The following CENPF variants were observed in gnomAD, a reference collection of about 807,000 sequenced individuals.
The protein encoded by CENPF is centromere protein F.
Under a neutral mutation model 307.3 loss-of-function variants are expected in CENPF, and 214 were observed. The observed-to-expected ratio is 0.70, with a 90% CI of 0.62 to 0.78. CENPF has a LOEUF of 0.78. CENPF is among the 30% of genes least tolerant of loss of function. CENPF has a pLI of 0.00. For missense variants in CENPF, 3,401 were observed against 3,483.9 expected (o/e 0.98, Z 0.60); for synonymous variants, 1,259 against 1,270.6 (o/e 0.99, Z 0.19).
intron 19 of CENPF, among the ~76,000 whole-genome samples, chr1:214,660,222 T>C (rs1658755131): frequency 6.6e-6 from 1 of 152,208 alleles, no homozygotes; most frequent in Admixed American, 6.5e-5. Flanking sequence ...GTTCATCATA[T>C]ACATTATATT....
chr1:214,651,361 G>A (rs1285225028), intron 14 of CENPF, among the ~76,000 whole-genome samples: 1 of 152,202 alleles, frequency 6.6e-6, no homozygotes, highest in East Asian at 1.9e-4. Flanking sequence ...TAGTGGTTCT[G>A]TTGATGAGGT....
At chr1:214,637,753 T>A (rs1420727534) in intron 10 of CENPF, 113 bp from the exon 11 acceptor site, 10 of 1,018,938 alleles carry the variant, frequency 9.8e-6, no homozygotes, top group African/African-American at 3.3e-5. Context: ...AAATTGTGAT[T>A]CTTTCCCTAG....
At position 214,642,702 on chromosome 1, in the gene CENPF, A is replaced by G. The variant is rs376658652; in HGVS notation, c.4364A>G (p.Asn1455Ser). The part of the protein sequence containing the change: ...ENLVLSTNLR[N>S]FQGDLVKEMQ... ...TTGGTCTTGTCAACGAATCTGAGAA[A>G]CTTTCAAGGTGACTTGGTGAAGGAG... The change falls in exon 12 of 20, where the codon AAC becomes AGC. Residue 1455 changes from asparagine (N) to serine (S), a missense_variant. Asn to Ser is a conservative substitution (Grantham distance 46). Transcript: ENST00000366955. 71 of 1,614,136 alleles carry G rather than the reference A, an allele frequency of 4.4e-5. No individual in the cohort carries two copies. In the South Asian group the frequency reaches 7.4e-4, roughly 17 times the overall value.
chr1:214,632,659 A>G (rs1657841491), intron 10 of CENPF, 57 bp downstream of exon 10: 1 of 1,593,450 alleles, frequency 6.3e-7, no homozygotes, highest in Admixed American at 1.7e-5. Flanking sequence ...GTGCAAGGGG[A>G]AAAGAATATT....
chr1:214,624,169 A>C (rs1162691008), intron 7 of CENPF, among the ~76,000 whole-genome samples: 1 of 151,294 alleles, frequency 6.6e-6, no homozygotes, highest in Admixed American at 6.6e-5. Flanking sequence ...ATATTTCTGA[A>C]TTTTTTTTTG....
At position 214,644,930 on chromosome 1, in the gene CENPF, T is replaced by C; in HGVS notation, c.5360T>C (p.Leu1787Pro). Residue 1787 changes from leucine to proline, a missense_variant, in exon 13 of 20, where the codon CTT becomes CCT. Coordinates refer to ENST00000366955, the MANE Select transcript of CENPF (RefSeq NM_016343.4). ...ACATCAAATGAGAATTTGAGATTAC[T>C]TCATGTGATAGAGGACCGTGACAGA... Reference protein sequence around the residue: ...KETSNENLRLLHVIEDRDRKV... With the variant: ...KETSNENLRLPHVIEDRDRKV... 6.2e-7 allele frequency: 1 copy of C among 1,613,770 alleles called. No homozygotes were observed. The highest frequency in any genetic ancestry group is 8.5e-7 in the Non-Finnish European group (1 of 1,179,900).
chr1:214,616,970 C>A (rs1571697489), intron 3 of CENPF, among the ~76,000 whole-genome samples: 1 of 124,766 alleles, frequency 8.0e-6, no homozygotes, highest in Non-Finnish European at 1.7e-5. Context: ...CCCTCCTTCC[C>A]TCCCTCCCTC....
rs1262213866 is a variant in CENPF, at chr1:214,637,849, T to G, written c.1447-17T>G. On this transcript the variant is annotated splice_polypyrimidine_tract_variant and intron_variant, in intron 10 of 19. Coordinates refer to ENST00000366955, the MANE Select transcript of CENPF (RefSeq NM_016343.4). ...AGCATTCGTTTTGGCTATAACCAAT[T>G]AAAATGTGTGTTTTAGGAAATGAAG... is the stretch of plus-strand genomic sequence containing the variant. 2.5e-6 allele frequency: 4 copies of G among 1,599,758 alleles called. No individual in the cohort carries two copies. Among genetic ancestry groups the G allele is most frequent in the Non-Finnish European group, 3.4e-6 (4 of 1,176,970 alleles).
chr1:214,654,391 A>C (rs1658575058), intron 16 of CENPF: 1 of 152,192 alleles, frequency 6.6e-6, no homozygotes, highest in African/African-American at 2.4e-5. Flanking sequence ...TGGGCAACAT[A>C]GTGAGACCTC....
intron 18 of CENPF, among the ~76,000 whole-genome samples, chr1:214,658,068 C>T (rs1471443764): frequency 1.3e-5 from 2 of 152,156 alleles, no homozygotes; most frequent in Non-Finnish European, 2.9e-5. Context: ...CCCTCTGCCC[C>T]CAAATATCAA....
At chr1:214,631,587 C>T (rs1431588064) in intron 9 of CENPF, among the ~76,000 whole-genome samples, 1 of 152,214 alleles carries the variant, frequency 6.6e-6, no homozygotes, top group African/African-American at 2.4e-5. Context: ...GCAACCTCAT[C>T]CTCCCGGGTT....
chr1:214,655,749 C>T (rs1658614401), intron 17 of CENPF, among the ~76,000 whole-genome samples: 1 of 152,094 alleles, frequency 6.6e-6, no homozygotes, highest in African/African-American at 2.4e-5. Flanking sequence ...TGCCACCACA[C>T]CCGACTAATT....
In CENPF at chr1:214,644,614, A is replaced by G; in HGVS notation, c.5044A>G (p.Thr1682Ala). 1 of 1,613,724 alleles carries G rather than the reference A, an allele frequency of 6.2e-7. No homozygotes were observed. Among genetic ancestry groups the G allele is most frequent in the East Asian group, 2.2e-5 (1 of 44,872 alleles). ...ATCAAAAGAACATACTTCAGAAACTACAGAAAGAACACCAAAGCATGATGT... is the reference window on the plus strand; with the variant it reads ...ATCAAAAGAACATACTTCAGAAACTGCAGAAAGAACACCAAAGCATGATGT... ...DISKEHTSET[T>A]ERTPKHDVHQ... Residue 1682 changes from threonine to alanine, a missense_variant, in exon 13 of 20, where the codon ACA (threonine) becomes GCA (alanine). By Grantham distance (58) the Thr-to-Ala change is moderately conservative. Coordinates refer to ENST00000366955, the MANE Select transcript of CENPF (RefSeq NM_016343.4).
In CENPF at chr1:214,630,671, CGT is replaced by C. The variant is rs775350188; in HGVS notation, c.1323+12_1323+13del. On this transcript the variant is annotated intron_variant, in intron 9 of 19. Transcript: ENST00000366955. Reference sequence around the variant, plus strand: ...AGGCTGAACTGGATAAAGTAGGGGCCGTGTCTCTCTCTCTCTCCTTAATCATC... The same window carrying C: ...AGGCTGAACTGGATAAAGTAGGGGCCGTCTCTCTCTCTCTCCTTAATCATC... 1 of 1,613,344 alleles carries C rather than the reference CGT, an allele frequency of 6.2e-7. No homozygotes were observed. Among genetic ancestry groups the C allele is most frequent in the South Asian group, 1.1e-5 (1 of 90,944 alleles).
intron 11 of CENPF, 65 bp from the exon 12 acceptor site, chr1:214,639,856 G>A: frequency 9.1e-7 from 1 of 1,100,034 alleles, no homozygotes; most frequent in Non-Finnish European, 1.2e-6. Context: ...GGGGGGAGGG[G>A]TTAGCGTTTC....
rs1275471881 is a variant in CENPF, at chr1:214,646,864, A to G, written c.7294A>G (p.Met2432Val). ...AGAAAAAGAGCAAGAGAAAGTACAG[A>G]TGAAAGAAAAATCAAGCACTGCCAT... ...LQEKEQEKVQ[M>V]KEKSSTAMEM... The change falls in exon 13 of 20, where the codon ATG (methionine) becomes GTG (valine). Residue 2432 changes from methionine (M) to valine (V), a missense_variant. Coordinates refer to ENST00000366955, the MANE Select transcript of CENPF (RefSeq NM_016343.4). The G allele has an allele frequency of 1.9e-6, 3 of 1,613,578 alleles. No individual in the cohort carries two copies. The highest frequency in any genetic ancestry group is 2.7e-5 in the African/African-American group (2 of 74,858).
intron 3 of CENPF, among the ~76,000 whole-genome samples, chr1:214,616,887 TTCTTTCTTTCTTTCTTTCTTTCTTTC>T (rs1296446658): frequency 7.5e-5 from 9 of 120,500 alleles, no homozygotes; most frequent in African/African-American, 2.6e-4. Flanking sequence ...CTTTCTTTCT[TTCTTTCTTTCTTTCTTTCTTTCTTTC>T]TTTCTTTCTT....
At chr1:214,626,489 T>C (rs979544192) in intron 7 of CENPF, among the ~76,000 whole-genome samples, 4 of 152,222 alleles carry the variant, frequency 2.6e-5, no homozygotes, top group South Asian at 2.1e-4. Context: ...TGATTAGATA[T>C]ATAAAGGAAC....
At chr1:214,624,725 T>C (rs897202082) in intron 7 of CENPF, among the ~76,000 whole-genome samples, 2 of 152,334 alleles carry the variant, frequency 1.3e-5, no homozygotes, top group East Asian at 3.9e-4. Flanking sequence ...ATTTTTTTTT[T>C]TCTCTGTTTT....
Sources: gnomAD v4.1 joint callset for allele counts (sites outside exome capture counted in the v4.1 genomes callset) on GRCh38, gnomAD v4.1.1 for gene constraint, MANE v1.5 for transcripts, NCBI Gene and HGNC (gene_info 2026-07-23, HGNC 2026-07-21) for gene names.